The following RNF125 variants were observed in gnomAD, a reference collection of about 807,000 sequenced individuals.
RNF125 encodes E3 ubiquitin-protein ligase RNF125.
Under a neutral mutation model 26.0 loss-of-function variants are expected in RNF125, and 21 were observed. That is an observed-to-expected ratio of 0.81 (90% CI 0.57 to 1.16). RNF125 has a LOEUF of 1.16. Among genes scored for constraint, RNF125 ranks in the 50% most tolerant of loss-of-function variants. RNF125 has a pLI of 0.00. For missense variants in RNF125, 270 were observed against 299.4 expected (o/e 0.90, Z 0.72); for synonymous variants, 95 against 109.2 (o/e 0.87, Z 0.81).
At chr18:32,049,019 C>G (rs749794570) in intron 4 of RNF125, among the ~76,000 whole-genome samples, 4 of 152,214 alleles carry the variant, frequency 2.6e-5, no homozygotes, top group Non-Finnish European at 4.4e-5. Flanking sequence ...ATGCCAGGCC[C>G]TCTGGACTGT....
the RNF125 span, among the ~76,000 whole-genome samples, chr18:32,081,417 AG>A: frequency 2.6e-5 from 4 of 152,214 alleles, no homozygotes. Context: ...ATTTAAATAT[AG>A]AGACAACAAC....
intron 2 of RNF125, among the ~76,000 whole-genome samples, chr18:32,040,249 C>T (rs1364784949): frequency 6.7e-6 from 1 of 149,872 alleles, no homozygotes; most frequent in Non-Finnish European, 1.5e-5. Flanking sequence ...TTCCAGTTCC[C>T]TATATCAAAC....
chr18:32,038,048 T>C (rs1661087733), intron 2 of RNF125, among the ~76,000 whole-genome samples: 1 of 145,604 alleles, frequency 6.9e-6, no homozygotes, highest in Non-Finnish European at 1.5e-5. Flanking sequence ...GTGCCATTTT[T>C]TTTTTTTTTT....
intron 3 of RNF125, among the ~76,000 whole-genome samples, chr18:32,042,754 G>A (rs1051111089): frequency 6.7e-6 from 1 of 149,778 alleles, no homozygotes; most frequent in South Asian, 2.1e-4. Context: ...TGAATCCTTT[G>A]CCTTTTTGAT....
chr18:32,074,649 TCTC>T (rs1176500375), downstream of RNF125, among the ~76,000 whole-genome samples: 1 of 152,126 alleles, frequency 6.6e-6, no homozygotes, highest in Non-Finnish European at 1.5e-5. Flanking sequence ...TTCAAGCAAT[TCTC>T]CTGTCTCAGT....
the RNF125 span, among the ~76,000 whole-genome samples, chr18:32,082,955 A>G: frequency 2.0e-4 from 31 of 152,316 alleles, no homozygotes; most frequent in East Asian, 3.9e-3. Flanking sequence ...TCCCTTGACA[A>G]TAGAAATGAT....
intron 4 of RNF125, among the ~76,000 whole-genome samples, chr18:32,056,096 G>T (rs7236901): frequency 0.18 from 26,559 of 150,378 alleles, 2,992 homozygotes; most frequent in African/African-American, 0.33. Context: ...AAGACACTTT[G>T]TTTTTAACGT....
intron 4 of RNF125, among the ~76,000 whole-genome samples, chr18:32,051,618 A>G (rs1359931829): frequency 1.4e-4 from 19 of 140,086 alleles, no homozygotes; most frequent in Admixed American, 1.1e-3. Context: ...TCAGTCTTAA[A>G]AAAAAAAAAA....
At chr18:32,025,322 G>A (rs906348927) in intron 1 of RNF125, among the ~76,000 whole-genome samples, 1 of 151,740 alleles carries the variant, frequency 6.6e-6, no homozygotes, top group African/African-American at 2.4e-5. Flanking sequence ...CTTTAGACAT[G>A]AGAGGATGGA....
chr18:32,028,413 AC>A (rs2039060589), intron 1 of RNF125, among the ~76,000 whole-genome samples: 1 of 150,626 alleles, frequency 6.6e-6, no homozygotes, highest in Admixed American at 6.6e-5. Context: ...GGCAGGGGAG[AC>A]CTCAGAAAGC....
At chr18:32,085,700 C>CAAAAAAAAAAAAAAAAAAAAAA in the RNF125 span, among the ~76,000 whole-genome samples, 1 of 62,770 alleles carries the variant, frequency 1.6e-5, no homozygotes, top group Non-Finnish European at 2.8e-5. Flanking sequence ...AACGACTTAT[C>CAAAAAAAAAAAAAAAAAAAAAA]AAAAAAAAAA....
chr18:32,036,971 C>A, intron 1 of RNF125, 145 bp from the exon 2 acceptor site: 1 of 649,046 alleles, frequency 1.5e-6, no homozygotes, highest in Non-Finnish European at 2.7e-6. Context: ...TCGGGAAGTG[C>A]AGGGTGCAAG....
intron 3 of RNF125, among the ~76,000 whole-genome samples, chr18:32,042,888 C>T (rs1354761971): frequency 6.6e-6 from 1 of 151,644 alleles, no homozygotes; most frequent in Admixed American, 6.6e-5. Flanking sequence ...GTGGCTCACA[C>T]CTGCAATCCC....
intron 2 of RNF125, among the ~76,000 whole-genome samples, chr18:32,041,620 C>CT (rs60264747): frequency 0.043 from 4,041 of 93,146 alleles, 762 homozygotes; most frequent in Middle Eastern, 0.062. Context: ...AATGTAGATG[C>CT]TTTTTTTTTT....
chr18:32,085,616 G>A, the RNF125 span, among the ~76,000 whole-genome samples: 27 of 142,026 alleles, frequency 1.9e-4, no homozygotes, highest in South Asian at 1.4e-3. Context: ...CAGGAGAATC[G>A]CTTGAACCTG....
downstream of RNF125, among the ~76,000 whole-genome samples, chr18:32,077,278 G>A (rs1420338232): frequency 6.6e-6 from 1 of 151,490 alleles, no homozygotes; most frequent in African/African-American, 2.4e-5. Flanking sequence ...CACTATGATA[G>A]TGCCTGTGAA....
At chr18:32,032,644 A>G (rs1391594166) in intron 1 of RNF125, among the ~76,000 whole-genome samples, 1 of 152,092 alleles carries the variant, frequency 6.6e-6, no homozygotes. Flanking sequence ...AGTATGCAAC[A>G]ACTTTCAAAC....
chr18:32,030,739 T>C (rs576137738), intron 1 of RNF125, among the ~76,000 whole-genome samples: 3 of 152,314 alleles, frequency 2.0e-5, no homozygotes, highest in Admixed American at 1.3e-4. Context: ...TCTTTTCAGC[T>C]CACAGTTCTG....
the RNF125 span, among the ~76,000 whole-genome samples, chr18:32,090,043 C>T: frequency 6.6e-6 from 1 of 152,148 alleles, no homozygotes; most frequent in Non-Finnish European, 1.5e-5. Flanking sequence ...GCCAGGAGTT[C>T]GAGACTAGCC....
Sources: gnomAD v4.1 joint callset for allele counts (sites outside exome capture counted in the v4.1 genomes callset) on GRCh38, gnomAD v4.1.1 for gene constraint, MANE v1.5 for transcripts, NCBI Gene and HGNC (gene_info 2026-07-23, HGNC 2026-07-21) for gene names.